Variants in SHLD2 observed in about 807,000 individuals in gnomAD.
SHLD2 encodes the protein shieldin complex subunit 2.
Under a neutral mutation model 73.2 loss-of-function variants are expected in SHLD2, and 30 were observed. That is an observed-to-expected ratio of 0.41 (90% CI 0.31 to 0.56). The LOEUF (loss-of-function observed/expected upper bound fraction) is 0.56. Ranked by LOEUF, SHLD2 falls within the 20% of genes least tolerant of loss-of-function variation. The probability of loss-of-function intolerance (pLI) is 0.28; values close to 1 mark genes in which losing one functional copy is unlikely to be tolerated. For synonymous variants in SHLD2, 285 were observed against 370.1 expected (o/e 0.77, Z 2.64); for missense variants, 745 against 1,055.9 (o/e 0.71, Z 4.08).
intron 2 of SHLD2, among the ~76,000 whole-genome samples, chr10:87,142,922 CTTTTTTTT>C (rs71269253): frequency 0.011 from 883 of 83,188 alleles, 17 homozygotes; most frequent in African/African-American, 0.045. Context: ...TTTATTTTTA[CTTTTTTTT>C]TTTTTTTTTT....
chr10:87,144,140 G>T (rs565882105), intron 2 of SHLD2, among the ~76,000 whole-genome samples: 1 of 152,018 alleles, frequency 6.6e-6, no homozygotes, highest in African/African-American at 2.4e-5. Flanking sequence ...TGGGATTACA[G>T]GCATGACCCA....
chr10:87,095,096 G>A (rs963125250), upstream of SHLD2: 3 of 144,462 alleles, frequency 2.1e-5, 1 homozygote, highest in African/African-American at 5.0e-5. Flanking sequence ...GGGAAGGGAG[G>A]GGAGGGGAGA....
intron 2 of SHLD2, among the ~76,000 whole-genome samples, chr10:87,098,537 G>T (rs1236704065): frequency 1.3e-5 from 2 of 151,128 alleles, no homozygotes; most frequent in Non-Finnish European, 2.9e-5. Flanking sequence ...AAAACAGGGA[G>T]TGAGGCCCAC....
chr10:87,094,821 TCA>T, upstream of SHLD2: 1 of 1,388,712 alleles, frequency 7.2e-7, no homozygotes, highest in Non-Finnish European at 9.8e-7. The surrounding 1 kb of genome is among the most constrained non-coding windows in gnomAD (Gnocchi z 6.6). Flanking sequence ...GCGCGCTTTC[TCA>T]GACTCCCCGC....
chr10:87,140,115 A>C (rs1245337916), intron 2 of SHLD2, among the ~76,000 whole-genome samples: 1 of 152,152 alleles, frequency 6.6e-6, no homozygotes, highest in Non-Finnish European at 1.5e-5. Context: ...GAAAGCAATT[A>C]CTTTAGGAAA....
At chr10:87,147,093 AAAAC>A (rs1431603229) in intron 2 of SHLD2, among the ~76,000 whole-genome samples, 1 of 151,792 alleles carries the variant, frequency 6.6e-6, no homozygotes, top group African/African-American at 2.4e-5. Context: ...AAAAAACAAA[AAAAC>A]CTTGTGTTTT....
chr10:87,113,116 G>A lies in SHLD2; in HGVS notation c.-6+16127G>A, dbSNP rs1589448836. On this transcript the variant is annotated intron_variant, in intron 2 of 9. Coordinates refer to ENST00000298786, the MANE Select transcript of SHLD2 (RefSeq NM_001330112.2). ...CGAGGCAGGTGGATCACCTGAGGTT[G>A]GAAGTAGAAGACCACCTGACCAACA... Among the ~76,000 whole-genome samples, 4 of 152,152 alleles carry A rather than the reference G, an allele frequency of 2.6e-5. No individual in the cohort carries two copies. In the East Asian group the frequency reaches 7.7e-4, roughly 29 times the overall value.
chr10:87,127,545 T>G (rs1485742229), intron 2 of SHLD2, among the ~76,000 whole-genome samples: 13 of 57,998 alleles, frequency 2.2e-4, no homozygotes, highest in African/African-American at 7.9e-4. Context: ...CCCCACCCCG[T>G]CTGCCACCCC....
chr10:87,099,752 A>C (rs995863479), intron 2 of SHLD2, among the ~76,000 whole-genome samples: 3 of 152,266 alleles, frequency 2.0e-5, no homozygotes, highest in Non-Finnish European at 4.4e-5. Flanking sequence ...TCTTACCAGC[A>C]GTGAATGAAG....
intron 3 of SHLD2, among the ~76,000 whole-genome samples, chr10:87,155,291 A>G (rs1846334251): frequency 6.6e-6 from 1 of 152,172 alleles, no homozygotes; most frequent in African/African-American, 2.4e-5. Context: ...GGCTTAGCAT[A>G]GCCACATCCC....
chr10:87,175,918 G>C lies in SHLD2; in HGVS notation c.1993G>C (p.Val665Leu), dbSNP rs1455535373. Residue 665 changes from valine (V) to leucine (L), a missense_variant, in exon 7 of 10, where the codon GTT becomes CTT. Physicochemically the swap from Val to Leu is conservative, Grantham distance 32. Transcript: ENST00000298786. ...TATTTGGGAATTTAAATATCTTTTT[G>C]TTCAGTGCAATTACACACTAGAAAA... ...GYIWEFKYLF[V>L]QCNYTLENLE... 41 of 1,549,390 alleles carry C rather than the reference G, an allele frequency of 2.6e-5. No homozygotes were observed. Among genetic ancestry groups the C allele is most frequent in the Non-Finnish European group, 3.6e-5 (41 of 1,146,562 alleles).
intron 2 of SHLD2, among the ~76,000 whole-genome samples, chr10:87,101,727 A>G (rs192998705): frequency 8.4e-4 from 128 of 152,282 alleles, no homozygotes; most frequent in Non-Finnish European, 1.0e-3. Flanking sequence ...TGGCCATCAC[A>G]GAGAAACCTT....
intron 2 of SHLD2, among the ~76,000 whole-genome samples, chr10:87,097,835 C>T: frequency 6.6e-6 from 1 of 152,130 alleles, no homozygotes; most frequent in East Asian, 1.9e-4. Flanking sequence ...TCTCAGCTCA[C>T]TGCAGCCTCT....
chr10:87,174,235 T>G (rs1312185049), intron 6 of SHLD2, among the ~76,000 whole-genome samples: 1 of 149,928 alleles, frequency 6.7e-6, no homozygotes, highest in East Asian at 1.9e-4. Context: ...ATCTGGACAA[T>G]GGCATATTAT....
chr10:87,162,336 G>C (rs1358742982), intron 4 of SHLD2, among the ~76,000 whole-genome samples: 1 of 152,158 alleles, frequency 6.6e-6, no homozygotes, highest in Non-Finnish European at 1.5e-5. Context: ...GACAAACTTG[G>C]AGAAAATATT....
chr10:87,114,790 A>G (rs1326746858), intron 2 of SHLD2, among the ~76,000 whole-genome samples: 1 of 152,186 alleles, frequency 6.6e-6, no homozygotes, highest in Non-Finnish European at 1.5e-5. Context: ...CAATAGCTAT[A>G]TTATGACATA....
intron 2 of SHLD2, among the ~76,000 whole-genome samples, chr10:87,106,411 A>G (rs1176017335): frequency 1.5e-5 from 2 of 133,746 alleles, no homozygotes; most frequent in Non-Finnish European, 3.3e-5. Flanking sequence ...TTTTAACGCA[A>G]TTTACAAAAG....
intron 2 of SHLD2, among the ~76,000 whole-genome samples, chr10:87,129,718 T>C (rs1252627250): frequency 1.3e-5 from 2 of 151,918 alleles, no homozygotes; most frequent in Admixed American, 1.3e-4. Context: ...TTGCTCAGGC[T>C]CAAGCGATCC....
chr10:87,164,426 T>C (rs1847054486), intron 4 of SHLD2, among the ~76,000 whole-genome samples: 1 of 152,004 alleles, frequency 6.6e-6, no homozygotes, highest in South Asian at 2.1e-4. Flanking sequence ...CTAATTTTTG[T>C]ATTTCTTGTA....
Sources: gnomAD v4.1 joint callset for allele counts (sites outside exome capture counted in the v4.1 genomes callset) on GRCh38, gnomAD v4.1.1 for gene constraint, Gnocchi (gnomAD v3.1) non-coding constraint, MANE v1.5 for transcripts, NCBI Gene and HGNC (gene_info 2026-07-23, HGNC 2026-07-21) for gene names.